The following HDAC9 variants were observed in gnomAD, a reference collection of about 807,000 sequenced individuals.
HDAC9 encodes MEF-2 interacting transcription repressor (MITR) protein.
Under a neutral mutation model 139.4 loss-of-function variants are expected in HDAC9, and 41 were observed. That is an observed-to-expected ratio of 0.29 (90% CI 0.23 to 0.38). The LOEUF (loss-of-function observed/expected upper bound fraction) is 0.38. Among genes scored for constraint, HDAC9 ranks in the 10% least tolerant of loss-of-function variants. HDAC9 has a pLI of 1.00. For missense variants in HDAC9, 1,147 were observed against 1,297.0 expected, an observed-to-expected ratio of 0.88 and a Z score of 1.78; for synonymous variants, 517 against 476.2, an observed-to-expected ratio of 1.09 and a Z score of -1.12.
intron 17 of HDAC9, 122 bp from the exon 18 acceptor site, chr7:18,829,038 GC>G: frequency 1.4e-6 from 1 of 737,120 alleles, no homozygotes; most frequent in East Asian, 2.5e-5. Flanking sequence ...AATCTCGGAA[GC>G]GTATGAGACT....
At chr7:18,479,910 AT>A (rs1353546734) in intron 1 of HDAC9, among the ~76,000 whole-genome samples, 2 of 151,706 alleles carry the variant, frequency 1.3e-5, no homozygotes, top group Non-Finnish European at 2.9e-5. Flanking sequence ...CTAGATTGCA[AT>A]GCTAAGAGAG....
chr7:18,241,306 A>G lies in HDAC9; in HGVS notation c.25+78957A>G, dbSNP rs935215868. Among the ~76,000 whole-genome samples the G allele has an allele frequency of 2.6e-5, 4 of 152,148 alleles. No individual in the cohort carries two copies. The South Asian group carries it at 6.2e-4, about 24-fold the overall frequency. On this transcript the variant is annotated intron_variant, in intron 2 of 12. Coordinates refer to the HDAC9 transcript ENST00000417496. Reference sequence around the variant, plus strand: ...ATGTGATCTAATGGTCTCTTTGTGAATTCCTTCTTGGAAATGCTCCATTAT... The same window carrying G: ...ATGTGATCTAATGGTCTCTTTGTGAGTTCCTTCTTGGAAATGCTCCATTAT...
chr7:18,370,082 G>A (rs1784481870), intron 1 of HDAC9, among the ~76,000 whole-genome samples: 1 of 152,094 alleles, frequency 6.6e-6, no homozygotes, highest in African/African-American at 2.4e-5. Flanking sequence ...TACAGAAAGG[G>A]AAAGAAGTAT....
intron 1 of HDAC9, among the ~76,000 whole-genome samples, chr7:18,451,288 G>GT (rs1792796936): frequency 6.6e-6 from 1 of 151,750 alleles, no homozygotes; most frequent in Non-Finnish European, 1.5e-5. Flanking sequence ...TGAGAAGTAA[G>GT]TTTCTGTTGT....
chr7:18,741,873 A>G (rs1395384276), intron 13 of HDAC9, among the ~76,000 whole-genome samples: 2 of 152,218 alleles, frequency 1.3e-5, no homozygotes, highest in Non-Finnish European at 2.9e-5. Flanking sequence ...CAATACTTCA[A>G]TGGAGGAACT....
At chr7:18,804,088 A>G (rs1221066985) in intron 17 of HDAC9, among the ~76,000 whole-genome samples, 1 of 152,202 alleles carries the variant, frequency 6.6e-6, no homozygotes, top group African/African-American at 2.4e-5. Context: ...AGGATGAAAG[A>G]GAGCTAGAGG....
At chr7:18,161,219 A>G (rs1336186778) in intron 1 of HDAC9, among the ~76,000 whole-genome samples, 3 of 152,218 alleles carry the variant, frequency 2.0e-5, no homozygotes, top group South Asian at 2.1e-4. Flanking sequence ...GCACATTTCT[A>G]TTTAGAGACC....
intron 1 of HDAC9, among the ~76,000 whole-genome samples, chr7:18,420,824 A>C (rs1789551346): frequency 1.3e-5 from 2 of 152,226 alleles, no homozygotes; most frequent in Admixed American, 6.5e-5. Flanking sequence ...GAAGCAATTA[A>C]GTGTGCTTGG....
In HDAC9 at chr7:18,975,971, G is replaced by A. The variant is rs745392552; in HGVS notation, c.3170+18G>A. On this transcript the variant is annotated intron_variant, in intron 25 of 25. Transcript: ENST00000686413. ...GACAGCAGGTATGAATCCAACGTGC[G>A]GGAATAATCCGGGTCAGTCATATCC... is the stretch of plus-strand genomic sequence containing the variant. The A allele has an allele frequency of 1.3e-5, 21 of 1,610,934 alleles. No homozygotes were observed. The highest frequency in any genetic ancestry group is 9.9e-5 in the South Asian group (9 of 90,690).
At chr7:18,783,003 A>G (rs1371479298) in intron 16 of HDAC9, among the ~76,000 whole-genome samples, 3 of 152,106 alleles carry the variant, frequency 2.0e-5, no homozygotes, top group African/African-American at 4.8e-5. Context: ...AAAGAATAGG[A>G]TAAAGTAGAG....
intron 2 of HDAC9, among the ~76,000 whole-genome samples, chr7:18,242,617 A>G (rs1299460343): frequency 2.0e-5 from 3 of 152,096 alleles, no homozygotes; most frequent in Non-Finnish European, 4.4e-5. Context: ...AGACAGTATT[A>G]TTTTCTCTTC....
chr7:18,101,500 G>A (rs902821817), intron 1 of HDAC9, among the ~76,000 whole-genome samples: 11 of 152,222 alleles, frequency 7.2e-5, no homozygotes, highest in Non-Finnish European at 1.5e-5. Flanking sequence ...TTCTTTGGAA[G>A]TGGTTCCCCC....
At chr7:18,378,119 T>C (rs949798284) in intron 1 of HDAC9, among the ~76,000 whole-genome samples, 3 of 152,130 alleles carry the variant, frequency 2.0e-5, no homozygotes, top group African/African-American at 7.2e-5. Flanking sequence ...ATAACTAAAT[T>C]AGGTGCCATT....
chr7:18,288,394 T>G (rs1459316726), upstream of HDAC9, among the ~76,000 whole-genome samples: 1 of 152,216 alleles, frequency 6.6e-6, no homozygotes, highest in African/African-American at 2.4e-5. Flanking sequence ...TAAGCCTGCT[T>G]TATTGTTTCT....
chr7:18,786,585 G>GCTTCCTTCCTTCCTTC lies in HDAC9; in HGVS notation c.2215-6742_2215-6727dup, dbSNP rs34314311. ...CACACCTCTTGGGTATGGCTGGCTG[G>GCTTCCTTCCTTCCTTC]CTTCCTTCCTTCCTTCCTTCCTTCC... On this transcript the variant is annotated intron_variant, in intron 16 of 25. Transcript: ENST00000686413. 1.9e-3 allele frequency among the ~76,000 whole-genome samples: 99 copies of GCTTCCTTCCTTCCTTC among 53,270 alleles called. 3 individuals are homozygous for GCTTCCTTCCTTCCTTC. The highest frequency in any genetic ancestry group is 4.7e-3 in the African/African-American group (75 of 16,010). The allele number at this position is 53,270 out of a possible 152,430, so 34.9% of individuals were successfully genotyped here. A position where few individuals can be genotyped will look rare whatever the true frequency, so the allele number is the denominator to read the frequency against.
intron 2 of HDAC9, among the ~76,000 whole-genome samples, chr7:18,218,992 G>A (rs1426648192): frequency 6.6e-6 from 1 of 152,082 alleles, no homozygotes; most frequent in East Asian, 1.9e-4. Context: ...ATATTCTGCA[G>A]AAATTTGTAC....
intron 1 of HDAC9, among the ~76,000 whole-genome samples, chr7:18,302,052 GT>G (rs1662610054): frequency 6.6e-6 from 1 of 152,158 alleles, no homozygotes; most frequent in South Asian, 2.1e-4. Context: ...AAATACTCAG[GT>G]GTTAAGAACA....
chr7:18,763,300 C>A (rs1194260287), intron 15 of HDAC9, among the ~76,000 whole-genome samples: 1 of 152,114 alleles, frequency 6.6e-6, no homozygotes, highest in Admixed American at 6.6e-5. Flanking sequence ...CCTTTTTAAA[C>A]AAGTGGCAAG....
rs761041552 is a variant in HDAC9 at position 18,666,243 on chromosome 7, C to A, written c.1498C>A (p.Gln500Lys). 9.9e-6 allele frequency: 16 copies of A among 1,612,828 alleles called. No homozygotes were observed. Among genetic ancestry groups the A allele is most frequent in the Non-Finnish European group, 1.4e-5 (16 of 1,179,280 alleles). ...TTCGAAATCTATTGAACAACTGAAG[C>A]AACCAGGCAGTCACCTTGAGGAAGC... is the stretch of plus-strand genomic sequence containing the variant. ...LLSKSIEQLK[Q>K]PGSHLEEAEE... Residue 500 changes from glutamine to lysine, a missense_variant, in exon 12 of 26, where the codon CAA becomes AAA. Physicochemically the swap from Gln to Lys is moderately conservative, Grantham distance 53 (BLOSUM62 1). Coordinates refer to ENST00000686413, the MANE Select transcript of HDAC9 (RefSeq NM_178425.4).
Sources: allele counts gnomAD v4.1 joint callset (sites outside exome capture counted in the v4.1 genomes callset), GRCh38; gene constraint gnomAD v4.1.1; transcripts MANE v1.5; gene names NCBI Gene and HGNC (gene_info 2026-07-23, HGNC 2026-07-21).